Variants in MACF1 observed in about 807,000 individuals in gnomAD.
MACF1 encodes the protein microtubule-actin cross-linking factor 1.
Under a neutral mutation model 854.8 loss-of-function variants are expected in MACF1, and 193 were observed. That is an observed-to-expected ratio of 0.23 (90% confidence interval 0.20 to 0.25). The LOEUF is 0.25. Among genes scored for constraint, MACF1 ranks in the 10% least tolerant of loss-of-function variants. MACF1 has a pLI of 1.00. For missense variants in MACF1, 7,722 were observed against 8,929.1 expected (o/e 0.86, Z 5.45); for synonymous variants, 3,185 against 3,226.7 (o/e 0.99, Z 0.44).
intron 95 of MACF1, among the ~76,000 whole-genome samples, chr1:39,465,766 G>A (rs568134948): frequency 2.0e-5 from 3 of 152,180 alleles, no homozygotes; most frequent in Non-Finnish European, 4.4e-5. Flanking sequence ...GAAGTTGCAT[G>A]AGTAAAATCT....
chr1:39,264,723 G>T (rs1238140722), intron 6 of MACF1, among the ~76,000 whole-genome samples: 3 of 144,078 alleles, frequency 2.1e-5, no homozygotes, highest in Non-Finnish European at 4.5e-5. Context: ...CCGGACTGCG[G>T]ACTGCAGTGG....
At position 39,459,258 on chromosome 1, in the gene MACF1, C is replaced by A; in HGVS notation, c.21360+9C>A. ...TGGATCGGCTGGAGGAGGTAATGCCCTGCTGAGTGGCCTTCCCTGAAACAA... is the reference window on the plus strand; with the variant it reads ...TGGATCGGCTGGAGGAGGTAATGCCATGCTGAGTGGCCTTCCCTGAAACAA... On this transcript the variant is annotated intron_variant, in intron 91 of 100. Transcript: ENST00000564288. 6.2e-7 allele frequency: 1 copy of A among 1,605,158 alleles called. No homozygotes were observed. Among genetic ancestry groups the A allele is most frequent in the Non-Finnish European group, 8.5e-7 (1 of 1,175,104 alleles).
intron 58 of MACF1, among the ~76,000 whole-genome samples, chr1:39,388,965 A>G (rs1238700705): frequency 7.2e-6 from 1 of 139,606 alleles, no homozygotes; most frequent in Non-Finnish European, 1.5e-5. Flanking sequence ...TGCAGACTCG[A>G]CCTCATAGGC....
At position 39,332,717 on chromosome 1, in the gene MACF1, GTTTTC is replaced by G. The variant is rs1646748620; in HGVS notation, c.6132_6136del (p.Ser2046GlufsTer31). ...GGACTGTGAGGCTGCCTGAGTTCCAGTTTTCTTCTCAGAACAAAGAATATCCCGAT... is the reference window on the plus strand; with the variant it reads ...GGACTGTGAGGCTGCCTGAGTTCCAGTTCTCAGAACAAAGAATATCCCGAT... On this transcript the variant is annotated frameshift_variant, in exon 37 of 101. Coordinates refer to ENST00000564288, the MANE Select transcript of MACF1 (RefSeq NM_001394062.1). LOFTEE classifies it high-confidence loss of function. The G allele has an allele frequency of 6.2e-7, 1 of 1,614,032 alleles. No homozygotes were observed. The highest frequency in any genetic ancestry group is 8.5e-7 in the Non-Finnish European group (1 of 1,180,032).
At position 39,430,731 on chromosome 1, in the gene MACF1, G is replaced by A; in HGVS notation, c.17160G>A (p.Arg5720=). 6.2e-7 allele frequency: 1 copy of A among 1,612,172 alleles called. No homozygotes were observed. Among genetic ancestry groups the A allele is most frequent in the Non-Finnish European group, 8.5e-7 (1 of 1,179,970 alleles). Residue 5720 remains arginine, a synonymous_variant, in exon 66 of 101, where the codon AGG becomes AGA. Transcript: ENST00000564288. ...TAAAGAAGGAGGTCATGGAGCACAG[G>A]CTGGTGTTGGACACAGTGAATGAGG... ...KELKKEVMEH[R]LVLDTVNEVS...
chr1:39,380,222 T>C (rs1219704741), intron 54 of MACF1, 22 bp from the exon 55 acceptor site: 4 of 1,608,864 alleles, frequency 2.5e-6, no homozygotes, highest in Non-Finnish European at 3.4e-6. Context: ...TCTCATGGCA[T>C]GCATGGCATT....
At position 39,372,539 on chromosome 1, in the gene MACF1, ACTT is replaced by A; in HGVS notation, c.13160_13162del (p.Ser4387del). On this transcript the variant is annotated inframe_deletion, in exon 52 of 101. Transcript: ENST00000564288. ...GGTGGAAGAAATCAATTGCAAAGGT[ACTT>A]CTTTAGAAAATCTCATCATGGAAAT... is the stretch of plus-strand genomic sequence containing the variant. 1.2e-6 allele frequency: 2 copies of A among 1,613,906 alleles called. No individual in the cohort carries two copies. The highest frequency in any genetic ancestry group is 1.7e-6 in the Non-Finnish European group (2 of 1,179,840).
At chr1:39,217,959 G>A (rs1468545307) in intron 1 of MACF1, among the ~76,000 whole-genome samples, 4 of 151,744 alleles carry the variant, frequency 2.6e-5, no homozygotes, top group Admixed American at 2.0e-4. Flanking sequence ...CGAGGCGGGC[G>A]GATCACGAGG....
Position 39,084,302 on chromosome 1 carries a change from C to A in MACF1, c.84C>A (p.Ser28Arg). 6.2e-7 allele frequency: 1 copy of A among 1,613,596 alleles called. No individual in the cohort carries two copies. The highest frequency in any genetic ancestry group is 8.5e-7 in the Non-Finnish European group (1 of 1,179,882). Residue 28 changes from serine to arginine, a missense_variant, in exon 2 of 94, where the codon AGC becomes AGA. Physicochemically the swap from Ser to Arg is moderately radical, Grantham distance 110. Transcript: ENST00000361689. The surrounding 1 kb of genome is among the most constrained non-coding windows in gnomAD (Gnocchi z 5.2). ...GTCGGAGTGAGCGATCTTACAGGAGCGAGCGGTCGGGGAGCCTGTCTCCCT... is the reference window on the plus strand; with the variant it reads ...GTCGGAGTGAGCGATCTTACAGGAGAGAGCGGTCGGGGAGCCTGTCTCCCT...
intron 95 of MACF1, among the ~76,000 whole-genome samples, chr1:39,467,397 A>G (rs1644693221): frequency 6.6e-6 from 1 of 152,060 alleles, no homozygotes; most frequent in African/African-American, 2.4e-5. Context: ...AAATCCTACC[A>G]ACTCCATACC....
intron 97 of MACF1, among the ~76,000 whole-genome samples, chr1:39,479,096 C>T (rs722357): frequency 0.56 from 85,425 of 152,026 alleles, 25,644 homozygotes; most frequent in South Asian, 0.77. Context: ...TAACTGGCTT[C>T]CCGTGCCGAC....
intron 2 of MACF1, among the ~76,000 whole-genome samples, chr1:39,158,760 G>T (rs532937090): frequency 6.6e-6 from 1 of 152,130 alleles, no homozygotes; most frequent in African/African-American, 2.4e-5. Flanking sequence ...AGGTATTTCC[G>T]CTCACTGGAA....
At chr1:39,325,176 G>C (rs2148458549) in intron 35 of MACF1, among the ~76,000 whole-genome samples, 1 of 152,340 alleles carries the variant, frequency 6.6e-6, no homozygotes, top group African/African-American at 2.4e-5. Flanking sequence ...CATGTGGGTA[G>C]ATTACTCAAA....
intron 1 of MACF1, among the ~76,000 whole-genome samples, chr1:39,205,667 G>C (rs74066704): frequency 0.026 from 3,968 of 152,182 alleles, 162 homozygotes; most frequent in African/African-American, 0.09. Flanking sequence ...AACACTGGGT[G>C]TCTGTGTTCT....
intron 58 of MACF1, chr1:39,413,296 G>A (rs1398982737): frequency 1.3e-6 from 2 of 1,587,676 alleles, no homozygotes; most frequent in African/African-American, 2.8e-5. Flanking sequence ...GCCCACCCCA[G>A]AGGAGCCCAC....
At chr1:39,287,250 T>G (rs1447167360) in intron 14 of MACF1, 36 bp from the exon 15 acceptor site, 1 of 1,602,648 alleles carries the variant, frequency 6.2e-7, no homozygotes, top group South Asian at 1.1e-5. Context: ...TACTATAGAT[T>G]TAAATCCTTT....
Position 39,438,854 on chromosome 1 carries a change from G to A in MACF1, c.18221-420G>A, listed in dbSNP as rs111707164. On this transcript the variant is annotated intron_variant, in intron 71 of 100. Coordinates refer to ENST00000564288, the MANE Select transcript of MACF1 (RefSeq NM_001394062.1). Reference sequence around the variant, plus strand: ...TCCAAGCACTTTGGGAGGCCGAGGCGGGTGGATCACCTGAGGTCAGGAGTT... The same window carrying A: ...TCCAAGCACTTTGGGAGGCCGAGGCAGGTGGATCACCTGAGGTCAGGAGTT... Among the ~76,000 whole-genome samples the A allele has an allele frequency of 1.7e-3, 254 of 151,764 alleles. 2 individuals carry two copies. The highest frequency in any genetic ancestry group is 5.0e-3 in the African/African-American group (209 of 41,396).
chr1:39,284,571 A>G, intron 11 of MACF1, 143 bp downstream of exon 11: 1 of 474,594 alleles, frequency 2.1e-6, no homozygotes, highest in Non-Finnish European at 3.7e-6. Flanking sequence ...CACCACTCTC[A>G]GGCTGGTCTT....
intron 2 of MACF1, among the ~76,000 whole-genome samples, chr1:39,194,396 C>A (rs1360085260): frequency 7.4e-6 from 1 of 134,424 alleles, no homozygotes; most frequent in Admixed American, 8.2e-5. Flanking sequence ...TTCTGTTTCC[C>A]AAGCTGGAGT....
Sources: gnomAD v4.1 joint callset for allele counts (sites outside exome capture counted in the v4.1 genomes callset) on GRCh38, gnomAD v4.1.1 for gene constraint, Gnocchi (gnomAD v3.1) non-coding constraint, MANE v1.5 for transcripts, NCBI Gene and HGNC (gene_info 2026-07-23, HGNC 2026-07-21) for gene names.